Variants in BMPR1B observed in about 807,000 individuals in gnomAD.
BMPR1B encodes the protein bone morphogenetic protein receptor type-1B.
In BMPR1B, 12 loss-of-function variants were observed where a neutral mutation model predicts 59.1. The ratio of observed to expected loss-of-function variants is 0.20; its 90% CI spans 0.13 to 0.33. The LOEUF (loss-of-function observed/expected upper bound fraction) is 0.33. Among genes scored for constraint, BMPR1B ranks in the 10% least tolerant of loss-of-function variants. The probability of loss-of-function intolerance (pLI) is 1.00; values close to 1 mark genes in which losing one functional copy is unlikely to be tolerated. For missense variants in BMPR1B, 550 were observed against 610.9 expected (o/e 0.90, Z 1.05); for synonymous variants, 237 against 207.3 (o/e 1.14, Z -1.23).
intron 1 of BMPR1B, among the ~76,000 whole-genome samples, chr4:94,858,343 A>G (rs1463295524): frequency 6.6e-6 from 1 of 152,230 alleles, no homozygotes; most frequent in Non-Finnish European, 1.5e-5. Context: ...TTCAATAGAA[A>G]TGCAATGCTT....
intron 3 of BMPR1B, among the ~76,000 whole-genome samples, chr4:95,025,766 ATATGT>A (rs1350733446): frequency 6.6e-6 from 1 of 152,184 alleles, no homozygotes; most frequent in Non-Finnish European, 1.5e-5. Flanking sequence ...TTTTTTCAAT[ATATGT>A]TATAGAACTT....
chr4:94,882,463 C>T (rs1250409561), intron 2 of BMPR1B, among the ~76,000 whole-genome samples: 1 of 152,110 alleles, frequency 6.6e-6, no homozygotes, highest in Non-Finnish European at 1.5e-5. Flanking sequence ...TGCCTTTCAC[C>T]TTTGGTGGTG....
At chr4:94,888,950 T>C (rs1727287630) in intron 2 of BMPR1B, among the ~76,000 whole-genome samples, 2 of 151,992 alleles carry the variant, frequency 1.3e-5, no homozygotes, top group South Asian at 4.1e-4. Context: ...ATAAAAACAT[T>C]CTAAAATTTG....
chr4:95,137,561 T>G (rs1437031514), intron 10 of BMPR1B, among the ~76,000 whole-genome samples: 1 of 152,190 alleles, frequency 6.6e-6, no homozygotes, highest in Admixed American at 6.5e-5. Flanking sequence ...TTTGTAGGTC[T>G]CTAAGGACTC....
rs902086214 is a variant in BMPR1B at position 95,131,130 on chromosome 4, A to G, written c.779-85A>G. On this transcript the variant is annotated intron_variant, in intron 9 of 12. Transcript: ENST00000515059. ...ATGAAATGCTAAACAAAAATTATCT[A>G]TGACAAAGAATGATGTTTGAGAATA... 5.8e-6 allele frequency: 8 copies of G among 1,385,056 alleles called. No homozygotes were observed. In the Admixed American group the frequency reaches 5.9e-5, roughly 10 times the overall value. 85.8% of individuals were successfully genotyped at this position (1,385,056 alleles called of 1,614,324 possible).
intron 3 of BMPR1B, among the ~76,000 whole-genome samples, chr4:95,077,061 AG>A (rs1369791753): frequency 2.6e-5 from 4 of 152,120 alleles, no homozygotes; most frequent in African/African-American, 9.7e-5. Context: ...AGAAATGGGA[AG>A]GAGATCAGAG....
chr4:94,793,488 G>A (rs1560487268), intron 1 of BMPR1B, among the ~76,000 whole-genome samples: 1 of 150,780 alleles, frequency 6.6e-6, no homozygotes, highest in Non-Finnish European at 1.5e-5. Context: ...ACGGGTGCAT[G>A]TGTCTTTATA....
Position 95,104,431 on chromosome 4 carries a change from T to C in BMPR1B, c.7T>C (p.Leu3=). Residue 3 remains leucine (L), a synonymous_variant, in exon 4 of 13, where the codon TTG becomes CTG. Coordinates refer to ENST00000515059, the MANE Select transcript of BMPR1B (RefSeq NM_001203.3). ...AGCAAACTTCCTTGATAACATGCTT[T>C]TGCGAAGTGCAGGAAAATTAAATGT... ML[L]RSAGKLNVGT... is the part of the protein sequence containing the mutation. 6.2e-7 allele frequency: 1 copy of C among 1,613,226 alleles called. No homozygotes were observed. Among genetic ancestry groups the C allele is most frequent in the Non-Finnish European group, 8.5e-7 (1 of 1,179,484 alleles).
chr4:94,931,751 A>G (rs1345597871), intron 2 of BMPR1B, among the ~76,000 whole-genome samples: 2 of 152,108 alleles, frequency 1.3e-5, no homozygotes. Context: ...ATCCTCAAAG[A>G]CAGCAAGGGA....
Position 95,072,268 on chromosome 4 carries a change from A to G in BMPR1B, c.-17-32140A>G, listed in dbSNP as rs544329165. 3.2e-4 allele frequency among the ~76,000 whole-genome samples: 48 copies of G among 152,312 alleles called. No individual in the cohort carries two copies. The South Asian group carries it at 8.7e-3, about 28-fold the overall frequency. Reference sequence around the variant, plus strand: ...GAGAGCAATCTGCTTTACCCAGTCTATAGATTTCAATGTTAATCTCATCCA... The same window carrying G: ...GAGAGCAATCTGCTTTACCCAGTCTGTAGATTTCAATGTTAATCTCATCCA... On this transcript the variant is annotated intron_variant, in intron 3 of 12. Coordinates refer to ENST00000515059, the MANE Select transcript of BMPR1B (RefSeq NM_001203.3).
At position 94,862,133 on chromosome 4, in the gene BMPR1B, T is replaced by G. The variant is rs1269245506; in HGVS notation, c.-182-13698T>G. Among the ~76,000 whole-genome samples the G allele has an allele frequency of 2.0e-5, 3 of 151,520 alleles. No homozygotes were observed. The East Asian group carries it at 5.8e-4, about 29-fold the overall frequency. On this transcript the variant is annotated intron_variant, in intron 1 of 12. Transcript: ENST00000515059. ...AAAAAAGACACAATGACTTGGGAGA[T>G]TCCAAATTATTACTGTTTTTTTTTG...
chr4:94,972,600 C>A (rs1283327189), intron 2 of BMPR1B, among the ~76,000 whole-genome samples: 2 of 151,620 alleles, frequency 1.3e-5, no homozygotes, highest in East Asian at 1.9e-4. Flanking sequence ...CATAATATTT[C>A]ATCATTGGTC....
intron 2 of BMPR1B, among the ~76,000 whole-genome samples, chr4:94,947,400 G>A (rs181852767): frequency 1.7e-4 from 26 of 152,314 alleles, no homozygotes; most frequent in Admixed American, 7.8e-4. Flanking sequence ...GATAGTGTGA[G>A]TTTGTTTGGG....
Position 95,154,668 on chromosome 4 carries a change from C to T in BMPR1B, c.1504C>T (p.Leu502Phe). The T allele has an allele frequency of 6.2e-7, 1 of 1,614,032 alleles. No homozygotes were observed. Among genetic ancestry groups the T allele is most frequent in the Non-Finnish European group, 8.5e-7 (1 of 1,179,928 alleles). ...AKMSESQDIK[L>F] ...AATGTCAGAGTCCCAGGACATTAAA[C>T]TCTGATAGGAGAGGAAAAGTAAGCA... Residue 502 changes from leucine (L) to phenylalanine (F), a missense_variant, in exon 13 of 13, where the codon CTC becomes TTC. Coordinates refer to ENST00000515059, the MANE Select transcript of BMPR1B (RefSeq NM_001203.3).
chr4:95,112,022 A>G (rs918227642), intron 4 of BMPR1B, among the ~76,000 whole-genome samples: 1 of 152,056 alleles, frequency 6.6e-6, no homozygotes. Context: ...GTGACTGAAT[A>G]TCTTGTGCAC....
At chr4:94,795,587 C>T (rs1216456022) in intron 1 of BMPR1B, among the ~76,000 whole-genome samples, 1 of 152,094 alleles carries the variant, frequency 6.6e-6, no homozygotes, top group Non-Finnish European at 1.5e-5. Flanking sequence ...CCTCAGCCTC[C>T]TGAGTGGCTG....
chr4:95,076,464 A>C (rs999704886), intron 3 of BMPR1B, among the ~76,000 whole-genome samples: 2 of 152,164 alleles, frequency 1.3e-5, no homozygotes, highest in Non-Finnish European at 2.9e-5. Flanking sequence ...CAAACAATGA[A>C]GTTTTTGAAG....
intron 3 of BMPR1B, among the ~76,000 whole-genome samples, chr4:95,044,067 A>G (rs1725862715): frequency 6.6e-6 from 1 of 152,238 alleles, no homozygotes; most frequent in Non-Finnish European, 1.5e-5. Flanking sequence ...TATACTTAAT[A>G]AAATGTCTTC....
At chr4:94,906,101 A>C (rs1728029560) in intron 2 of BMPR1B, among the ~76,000 whole-genome samples, 1 of 151,976 alleles carries the variant, frequency 6.6e-6, no homozygotes, top group South Asian at 2.1e-4. Context: ...TTCTTCTGTG[A>C]ATAGTGTTTG....
Sources: gnomAD v4.1 joint callset for allele counts (sites outside exome capture counted in the v4.1 genomes callset) on GRCh38, gnomAD v4.1.1 for gene constraint, MANE v1.5 for transcripts, NCBI Gene and HGNC (gene_info 2026-07-23, HGNC 2026-07-21) for gene names.